The following ESRRG variants were observed in gnomAD, a reference collection of about 807,000 sequenced individuals.
The protein encoded by ESRRG is estrogen-related receptor gamma.
Under a neutral mutation model 44.0 loss-of-function variants are expected in ESRRG, and 13 were observed. That is an observed-to-expected ratio of 0.30 (90% CI 0.19 to 0.47). ESRRG has a LOEUF of 0.47. Ranked by LOEUF, ESRRG falls within the 20% of genes least tolerant of loss-of-function variation. The pLI, the probability that ESRRG is intolerant of heterozygous loss-of-function variation, is 1.00. For missense variants in ESRRG, 395 were observed against 580.6 expected (o/e 0.68, Z 3.29); for synonymous variants, 215 against 214.6 (o/e 1.00, Z -0.02).
At chr1:217,136,179 A>G (rs920739373) in intron 1 of ESRRG, among the ~76,000 whole-genome samples, 1 of 152,290 alleles carries the variant, frequency 6.6e-6, no homozygotes, top group Non-Finnish European at 1.5e-5. Flanking sequence ...GCTGTTGAAG[A>G]CAGGGGGCGG....
chr1:217,051,979 C>G (rs2086138540), intron 1 of ESRRG, among the ~76,000 whole-genome samples: 1 of 152,036 alleles, frequency 6.6e-6, no homozygotes, highest in African/African-American at 2.4e-5. Flanking sequence ...CTATGTTCCC[C>G]AGGCTGACCT....
At chr1:216,734,799 T>C (rs2089543509) in intron 2 of ESRRG, among the ~76,000 whole-genome samples, 1 of 152,182 alleles carries the variant, frequency 6.6e-6, no homozygotes, top group African/African-American at 2.4e-5. Flanking sequence ...ATTTACCCTT[T>C]CAAAATTAGC....
chr1:216,507,232 C>G (rs2041424698), intron 6 of ESRRG, 49 bp from the exon 7 acceptor site: 2 of 1,285,338 alleles, frequency 1.6e-6, no homozygotes, highest in Admixed American at 2.3e-5. Context: ...TAATAGCAAA[C>G]CTATGTAGAC....
At chr1:216,606,046 C>T (rs1409842006) in intron 3 of ESRRG, among the ~76,000 whole-genome samples, 1 of 152,176 alleles carries the variant, frequency 6.6e-6, no homozygotes, top group Non-Finnish European at 1.5e-5. Flanking sequence ...AACAAAATCA[C>T]ATCACTGGCA....
intron 2 of ESRRG, among the ~76,000 whole-genome samples, chr1:216,668,460 T>C (rs1237853909): frequency 6.6e-6 from 1 of 152,246 alleles, no homozygotes; most frequent in African/African-American, 2.4e-5. Flanking sequence ...ATGTGTTTAA[T>C]AAACATGTAA....
At chr1:216,660,615 G>A (rs138264925) in intron 2 of ESRRG, among the ~76,000 whole-genome samples, 1 of 152,350 alleles carries the variant, frequency 6.6e-6, no homozygotes, top group African/African-American at 2.4e-5. Flanking sequence ...TCTTCTGAAA[G>A]AGCACTTTGT....
intron 1 of ESRRG, among the ~76,000 whole-genome samples, chr1:216,977,556 A>G (rs918603970): frequency 2.6e-5 from 4 of 152,142 alleles, no homozygotes; most frequent in African/African-American, 7.2e-5. Flanking sequence ...AGCACAGACA[A>G]TAAGTACAGG....
intron 1 of ESRRG, among the ~76,000 whole-genome samples, chr1:216,695,104 G>A (rs1275262835): frequency 6.6e-6 from 1 of 151,928 alleles, no homozygotes; most frequent in Non-Finnish European, 1.5e-5. Context: ...TGAATATTAT[G>A]GGAATCATCG....
intron 2 of ESRRG, among the ~76,000 whole-genome samples, chr1:216,784,964 G>T (rs1384602886): frequency 6.6e-6 from 1 of 151,904 alleles, no homozygotes; most frequent in Non-Finnish European, 1.5e-5. Context: ...CTGTGAACAA[G>T]GAGATAACAC....
chr1:216,977,592 C>T (rs1219609954), intron 1 of ESRRG, among the ~76,000 whole-genome samples: 2 of 152,042 alleles, frequency 1.3e-5, no homozygotes, highest in Non-Finnish European at 2.9e-5. Context: ...CTGGCAGGTG[C>T]CGGGGCCTCC....
intron 1 of ESRRG, among the ~76,000 whole-genome samples, chr1:216,956,690 C>T (rs1199809227): frequency 2.0e-5 from 3 of 152,148 alleles, no homozygotes; most frequent in East Asian, 1.9e-4. Context: ...GGTATAATGT[C>T]ATTGTGTACG....
intron 1 of ESRRG, among the ~76,000 whole-genome samples, chr1:217,097,373 T>G (rs528847483): frequency 6.6e-6 from 1 of 152,330 alleles, no homozygotes; most frequent in Non-Finnish European, 1.5e-5. Flanking sequence ...GAATAAAGTC[T>G]GTCATTTCCC....
intron 2 of ESRRG, among the ~76,000 whole-genome samples, chr1:216,836,093 C>CAAAAAAAAAAAAAAAA (rs34241468): frequency 2.0e-5 from 2 of 97,788 alleles, no homozygotes; most frequent in African/African-American, 3.4e-5. Flanking sequence ...GCTGCGATTT[C>CAAAAAAAAAAAAAAAA]AAAAAAAAAA....
At chr1:216,975,912 C>A (rs1489477865) in intron 1 of ESRRG, among the ~76,000 whole-genome samples, 1 of 152,124 alleles carries the variant, frequency 6.6e-6, no homozygotes, top group Admixed American at 6.6e-5. Context: ...ACCTTCTTAT[C>A]CCACAAAGCT....
intron 2 of ESRRG, among the ~76,000 whole-genome samples, chr1:216,870,471 TGGTACAAG>T (rs888168628): frequency 6.6e-6 from 1 of 152,006 alleles, no homozygotes; most frequent in Non-Finnish European, 1.5e-5. Context: ...TGTCTGGTTT[TGGTACAAG>T]GGTTACTCTT....
chr1:216,630,126 G>A (rs566677645), intron 3 of ESRRG, among the ~76,000 whole-genome samples: 7 of 152,100 alleles, frequency 4.6e-5, no homozygotes, highest in South Asian at 2.1e-4. Flanking sequence ...TCCTTATCAC[G>A]AAGTCAGGAT....
At chr1:216,628,070 C>A (rs945288367) in intron 3 of ESRRG, among the ~76,000 whole-genome samples, 2 of 152,092 alleles carry the variant, frequency 1.3e-5, no homozygotes, top group African/African-American at 4.8e-5. Context: ...TCAGATGTAT[C>A]CTGATGAATC....
intron 1 of ESRRG, among the ~76,000 whole-genome samples, chr1:216,970,877 A>G (rs558040590): frequency 6.6e-6 from 1 of 152,230 alleles, no homozygotes; most frequent in African/African-American, 2.4e-5. Context: ...GGAACATAAT[A>G]CCCTGTTGGT....
At chr1:217,026,912 C>CACACACACACAGAGAGAAAGAGAG (rs1255637839) in intron 1 of ESRRG, among the ~76,000 whole-genome samples, 1 of 93,414 alleles carries the variant, frequency 1.1e-5, no homozygotes, top group Non-Finnish European at 2.2e-5. Context: ...CACACACACA[C>CACACACACACAGAGAGAAAGAGAG]AGAGAGAGAG....
Sources: allele counts gnomAD v4.1 joint callset (sites outside exome capture counted in the v4.1 genomes callset), GRCh38; gene constraint gnomAD v4.1.1; transcripts MANE v1.5; gene names NCBI Gene and HGNC (gene_info 2026-07-23, HGNC 2026-07-21).